Variants in ANGEL1 observed in about 807,000 individuals in gnomAD.
The protein encoded by ANGEL1 is angel homolog 1.
A neutral mutation model predicts 76.4 loss-of-function variants in ANGEL1; 62 were observed. The ratio of observed to expected loss-of-function variants is 0.81; its 90% CI spans 0.66 to 1.00. The LOEUF (loss-of-function observed/expected upper bound fraction) is 1.00. Among genes scored for constraint, ANGEL1 ranks in the 50% least tolerant of loss-of-function variants. The pLI is 0.00. For synonymous variants in ANGEL1, 340 were observed against 331.7 expected (o/e 1.03, Z -0.27); for missense variants, 737 against 836.7 (o/e 0.88, Z 1.47).
chr14:76,796,146 G>C (rs1894569701), intron 7 of ANGEL1, among the ~76,000 whole-genome samples: 1 of 151,432 alleles, frequency 6.6e-6, no homozygotes, highest in South Asian at 2.1e-4. Flanking sequence ...AAATATAATG[G>C]TATTTTCATT....
intron 7 of ANGEL1, among the ~76,000 whole-genome samples, chr14:76,796,158 T>C (rs1024723416): frequency 6.6e-6 from 1 of 152,114 alleles, no homozygotes; most frequent in African/African-American, 2.4e-5. Flanking sequence ...ATTTTCATTA[T>C]TGTTATTTTC....
chr14:76,804,429 A>T, intron 5 of ANGEL1: 14 of 997,176 alleles, frequency 1.4e-5, no homozygotes, highest in Non-Finnish European at 1.7e-5. Flanking sequence ...GGAACGGACA[A>T]AACGTAGTAG....
chr14:76,809,558 C>T lies in ANGEL1; in HGVS notation c.150G>A (p.Arg50=). The change falls in exon 2 of 10, where the codon CGG becomes CGA. Residue 50 remains arginine (R), a synonymous_variant. Transcript: ENST00000251089. ...QVEGDFAMAP[R]GPEQEECEGL... is the part of the protein sequence containing the mutation. ...CCTCACATTCCTCCTGCTCAGGGCC[C>T]CGAGGGGCCATGGCAAAGTCGCCCT... 6.2e-7 allele frequency: 1 copy of T among 1,614,198 alleles called. No individual in the cohort carries two copies. The highest frequency in any genetic ancestry group is 8.5e-7 in the Non-Finnish European group (1 of 1,180,050).
chr14:76,804,246 G>A, intron 5 of ANGEL1: 1 of 1,366,538 alleles, frequency 7.3e-7, no homozygotes, highest in Non-Finnish European at 9.4e-7. Context: ...AACTCTCAGG[G>A]GCTTTAAGTT....
Position 76,809,167 on chromosome 14 carries a change from A to G in ANGEL1, c.541T>C (p.Leu181=), listed in dbSNP as rs757368256. The G allele has an allele frequency of 6.2e-7, 1 of 1,614,018 alleles. No homozygotes were observed. Among genetic ancestry groups the G allele is most frequent in the Non-Finnish European group, 8.5e-7 (1 of 1,179,942 alleles). ...GGCTCAGGTGCTATGCTCCAGGCCA[A>G]CACCGCTGGGTCCTCTTCCCACTGC... ...TEQWEEDPAV[L]AWSIAPEPVP... The change falls in exon 2 of 10, where the codon TTG becomes CTG. Residue 181 remains leucine, a synonymous_variant. Coordinates refer to ENST00000251089, the MANE Select transcript of ANGEL1 (RefSeq NM_015305.4).
chr14:76,806,017 T>C (rs1268722946), intron 5 of ANGEL1, among the ~76,000 whole-genome samples: 4 of 152,152 alleles, frequency 2.6e-5, no homozygotes, highest in East Asian at 1.9e-4. Flanking sequence ...CATAGGAACA[T>C]AGATATCACT....
intron 7 of ANGEL1, among the ~76,000 whole-genome samples, chr14:76,801,911 C>T (rs987051005): frequency 1.1e-4 from 16 of 152,040 alleles, no homozygotes; most frequent in African/African-American, 3.9e-4. Context: ...AATCCTAGCA[C>T]TTTGGGAGGC....
intron 5 of ANGEL1, among the ~76,000 whole-genome samples, chr14:76,805,604 G>T (rs918719116): frequency 1.3e-5 from 2 of 152,148 alleles, no homozygotes; most frequent in African/African-American, 2.4e-5. Context: ...ATAAAACTAC[G>T]AGGTGTTTGT....
chr14:76,807,466 A>T lies in ANGEL1; in HGVS notation c.913T>A (p.Trp305Arg). Residue 305 changes from tryptophan (W) to arginine (R), a missense_variant, in exon 4 of 10, where the codon TGG becomes AGG. Trp to Arg is a moderately radical substitution (Grantham distance 101). Around this residue, in one of 2 missense-constraint regions of ANGEL1, gnomAD observed 441 missense variants for 449.5 expected, o/e 0.98. Transcript: ENST00000251089. ...CGCAGAGAGGGTTCCAGCTGCTCCC[A>T]GTAATGATCTTCCTGGACTTCCTGG... is the stretch of plus-strand genomic sequence containing the variant. ...CLQEVQEDHY[W>R]EQLEPSLRMM... The T allele has an allele frequency of 6.2e-7, 1 of 1,613,552 alleles. No homozygotes were observed. Among genetic ancestry groups the T allele is most frequent in the South Asian group, 1.1e-5 (1 of 90,850 alleles).
chr14:76,790,162 C>T (rs966216294), intron 9 of ANGEL1, among the ~76,000 whole-genome samples: 5 of 152,078 alleles, frequency 3.3e-5, no homozygotes, highest in Non-Finnish European at 7.4e-5. Flanking sequence ...AATACACGTG[C>T]CTGGCCATAA....
intron 7 of ANGEL1, among the ~76,000 whole-genome samples, chr14:76,797,817 G>A (rs1418114079): frequency 1.3e-5 from 2 of 152,224 alleles, no homozygotes; most frequent in African/African-American, 4.8e-5. Context: ...AAGACTTAAA[G>A]CCCCAAGATT....
chr14:76,792,708 AAC>A (rs1894442757), intron 7 of ANGEL1, among the ~76,000 whole-genome samples: 1 of 152,196 alleles, frequency 6.6e-6, no homozygotes, highest in Admixed American at 6.5e-5. Flanking sequence ...ATGAGTTAAA[AAC>A]ACTCAAAAAA....
intron 2 of ANGEL1, 59 bp from the exon 3 acceptor site, chr14:76,808,207 A>T: frequency 7.0e-7 from 1 of 1,426,552 alleles, no homozygotes; most frequent in Non-Finnish European, 9.7e-7. Flanking sequence ...AGGTGCTGCC[A>T]TCTCCACTCC....
rs534321945 is a variant in ANGEL1 at position 76,788,611 on chromosome 14, C to G, written c.*617G>C. 1 of 152,476 alleles carries G rather than the reference C, an allele frequency of 6.6e-6. No individual in the cohort carries two copies. The highest frequency in any genetic ancestry group is 2.1e-4 in the South Asian group (1 of 4,830). The allele number at this position is 152,476 out of a possible 1,614,324, so 9.4% of individuals were successfully genotyped here. ...GGCAGGATGAATGCCTAATGAAACA[C>G]AGAGGCTAAAAGGAGAGATGGGGCC... On this transcript the variant is annotated 3_prime_UTR_variant, in exon 10 of 10. Transcript: ENST00000251089.
intron 7 of ANGEL1, among the ~76,000 whole-genome samples, chr14:76,800,250 C>G (rs1005865156): frequency 3.9e-5 from 6 of 152,232 alleles, no homozygotes; most frequent in Admixed American, 3.9e-4. Flanking sequence ...GATCCTGTTA[C>G]TGTTTTTATA....
intron 2 of ANGEL1, 142 bp from the exon 3 acceptor site, chr14:76,808,290 G>C: frequency 1.4e-6 from 1 of 697,892 alleles, no homozygotes; most frequent in Admixed American, 2.7e-5. Flanking sequence ...GTGGGGAATT[G>C]ATTTCTATGG....
At chr14:76,805,167 CA>C (rs1376459378) in intron 5 of ANGEL1, among the ~76,000 whole-genome samples, 3 of 152,030 alleles carry the variant, frequency 2.0e-5, no homozygotes, top group Admixed American at 1.3e-4. Context: ...TTAATCCACC[CA>C]AAAAAACACC....
intron 1 of ANGEL1, among the ~76,000 whole-genome samples, chr14:76,811,987 T>C (rs1207578586): frequency 6.6e-6 from 1 of 152,110 alleles, no homozygotes; most frequent in Non-Finnish European, 1.5e-5. Context: ...GTCCCATAAA[T>C]TAAAGGCAAA....
At chr14:76,799,588 C>T (rs1371116206) in intron 7 of ANGEL1, among the ~76,000 whole-genome samples, 3 of 152,038 alleles carry the variant, frequency 2.0e-5, no homozygotes, top group Non-Finnish European at 4.4e-5. Context: ...CCACCGCGCC[C>T]GGCCCATTCA....
Sources: allele counts gnomAD v4.1 joint callset (sites outside exome capture counted in the v4.1 genomes callset), GRCh38; gene constraint gnomAD v4.1.1; regional missense constraint gnomAD v4.1.1; transcripts MANE v1.5; gene names NCBI Gene and HGNC (gene_info 2026-07-23, HGNC 2026-07-21).